Variants in AGBL1 observed in about 807,000 individuals in gnomAD.
AGBL1 encodes AGBL carboxypeptidase 1.
In AGBL1, 130 loss-of-function variants were observed where a neutral mutation model predicts 118.9. The ratio of observed to expected loss-of-function variants is 1.09; its 90% CI spans 0.95 to 1.26. The LOEUF (loss-of-function observed/expected upper bound fraction) is 1.26. Ranked by LOEUF, AGBL1 falls within the 50% of genes most tolerant of loss-of-function variation. The pLI, the probability that AGBL1 is intolerant of heterozygous loss-of-function variation, is 0.00. For missense variants in AGBL1, 1,584 were observed against 1,298.1 expected (o/e 1.22, Z -3.38); for synonymous variants, 555 against 478.9 (o/e 1.16, Z -2.08).
intron 17 of AGBL1, among the ~76,000 whole-genome samples, chr15:86,351,345 A>G (rs555286806): frequency 1.8e-4 from 28 of 152,214 alleles, no homozygotes; most frequent in African/African-American, 6.5e-4. Context: ...TACCTCTTGA[A>G]TGTCCCCCCT....
rs544360312 is a variant in AGBL1, at chr15:86,586,036, G to A, written c.2994+31499G>A. Reference sequence around the variant, plus strand: ...TAGACACACAGGCATGCTGCCTGTCGGCATGCCTCTGCACCGAATAGAACC... The same window carrying A: ...TAGACACACAGGCATGCTGCCTGTCAGCATGCCTCTGCACCGAATAGAACC... On this transcript the variant is annotated intron_variant, in intron 21 of 22. Transcript: ENST00000614907. 2.4e-3 allele frequency among the ~76,000 whole-genome samples: 365 copies of A among 152,288 alleles called. 4 individuals are homozygous for A. The highest frequency in any genetic ancestry group is 7.8e-3 in the African/African-American group (324 of 41,568).
intron 18 of AGBL1, among the ~76,000 whole-genome samples, chr15:86,428,900 G>A (rs1028870811): frequency 6.6e-6 from 1 of 152,172 alleles, no homozygotes; most frequent in African/African-American, 2.4e-5. Context: ...AAAAATAATG[G>A]AAAGGTTTAT....
chr15:86,934,486 T>G (rs1213304999), intron 23 of AGBL1, among the ~76,000 whole-genome samples: 4 of 152,090 alleles, frequency 2.6e-5, no homozygotes, highest in African/African-American at 9.7e-5. Context: ...GCTTACAGAC[T>G]TCCTCCTTGC....
At chr15:86,702,012 C>A (rs553718789) in intron 22 of AGBL1, among the ~76,000 whole-genome samples, 144 of 150,400 alleles carry the variant, frequency 9.6e-4, no homozygotes, top group African/African-American at 3.3e-3. Context: ...CTGATCTACC[C>A]CAACCCTTCT....
intron 22 of AGBL1, among the ~76,000 whole-genome samples, chr15:86,894,997 C>A (rs2080102124): frequency 1.3e-5 from 2 of 150,590 alleles, no homozygotes; most frequent in Admixed American, 1.4e-4. Context: ...GACCACTTGC[C>A]AGGGACATCT....
At chr15:86,917,606 TGTC>T (rs1300538644), downstream of AGBL1, among the ~76,000 whole-genome samples, 1 of 152,116 alleles carries the variant, frequency 6.6e-6, no homozygotes. This position sits in a 1 kb window ranked among gnomAD's most constrained non-coding sequence, Gnocchi z 4.8. Context: ...TTCCAGGCCT[TGTC>T]ATTGCGAAGC....
chr15:86,421,832 C>G (rs889534132), intron 18 of AGBL1, among the ~76,000 whole-genome samples: 2 of 152,044 alleles, frequency 1.3e-5, no homozygotes, highest in African/African-American at 4.8e-5. Flanking sequence ...TTTAAACCAA[C>G]AAAGATTTAA....
At chr15:86,080,957 C>G (rs551284213) in intron 1 of AGBL1, among the ~76,000 whole-genome samples, 59 of 152,262 alleles carry the variant, frequency 3.9e-4, no homozygotes, top group African/African-American at 1.4e-3. Flanking sequence ...GTCCATGACC[C>G]CATTCCCCTG....
At chr15:86,180,379 C>A (rs2077536006) in intron 5 of AGBL1, among the ~76,000 whole-genome samples, 1 of 152,024 alleles carries the variant, frequency 6.6e-6, no homozygotes, top group Non-Finnish European at 1.5e-5. Flanking sequence ...CAAAAATAAA[C>A]CCATGCATGA....
intron 24 of AGBL1, among the ~76,000 whole-genome samples, chr15:86,999,426 G>A (rs1252502870): frequency 6.8e-6 from 1 of 146,048 alleles, no homozygotes; most frequent in Non-Finnish European, 1.5e-5. Flanking sequence ...CTGTGTCCAT[G>A]TGATCTCACT....
At chr15:86,146,117 T>A (rs2077030623) in intron 3 of AGBL1, among the ~76,000 whole-genome samples, 1 of 152,212 alleles carries the variant, frequency 6.6e-6, no homozygotes, top group African/African-American at 2.4e-5. Flanking sequence ...GCAAAGTACT[T>A]AAACTTTCTG....
At chr15:86,385,315 G>T (rs1048089419) in intron 17 of AGBL1, among the ~76,000 whole-genome samples, 2 of 152,054 alleles carry the variant, frequency 1.3e-5, no homozygotes, top group Non-Finnish European at 2.9e-5. Flanking sequence ...AATTACTCGT[G>T]CGCCTTGTAT....
chr15:86,208,803 TTG>T (rs1387829103), intron 5 of AGBL1, among the ~76,000 whole-genome samples: 2 of 152,222 alleles, frequency 1.3e-5, no homozygotes, highest in Non-Finnish European at 2.9e-5. Flanking sequence ...GAAGGGTTTT[TTG>T]TGTCTCTATC....
At chr15:86,332,984 T>C (rs2080299103) in intron 17 of AGBL1, among the ~76,000 whole-genome samples, 2 of 152,164 alleles carry the variant, frequency 1.3e-5, no homozygotes, top group South Asian at 4.1e-4. Flanking sequence ...AAGATGTTCT[T>C]TGAAATAAAT....
In AGBL1 at chr15:86,346,220, A is replaced by C. The variant is rs142873878; in HGVS notation, c.2374+50812A>C. ...CTGATCTTGAACTCCTGACCTTGTG[A>C]TCTGCCCATCTCGGCCTCCCAAAGT... is the stretch of plus-strand genomic sequence containing the variant. On this transcript the variant is annotated intron_variant, in intron 17 of 22. Transcript: ENST00000614907. Among the ~76,000 whole-genome samples the C allele has an allele frequency of 1.5e-3, 231 of 152,190 alleles. 1 individual carries two copies. Among genetic ancestry groups the C allele is most frequent in the African/African-American group, 5.4e-3 (225 of 41,526 alleles).
intron 18 of AGBL1, among the ~76,000 whole-genome samples, chr15:86,492,868 C>T (rs1338288667): frequency 6.6e-6 from 1 of 152,022 alleles, no homozygotes; most frequent in Non-Finnish European, 1.5e-5. Flanking sequence ...TGAAGAGAGA[C>T]AACATGGTGA....
chr15:86,404,101 G>A (rs183258428), intron 18 of AGBL1, among the ~76,000 whole-genome samples: 2 of 152,250 alleles, frequency 1.3e-5, no homozygotes, highest in Non-Finnish European at 2.9e-5. Flanking sequence ...GATATAAATA[G>A]AGTCTTAGCC....
intron 22 of AGBL1, among the ~76,000 whole-genome samples, chr15:86,853,616 T>C (rs966152565): frequency 1.3e-5 from 2 of 152,204 alleles, no homozygotes; most frequent in Non-Finnish European, 2.9e-5. Context: ...TGCCTTTATT[T>C]TTCAGAGCTG....
intron 18 of AGBL1, among the ~76,000 whole-genome samples, chr15:86,478,777 C>T (rs1449185004): frequency 1.3e-5 from 2 of 152,186 alleles, no homozygotes; most frequent in African/African-American, 4.8e-5. Context: ...ATTGCCAAGA[C>T]AATCCTAAGC....
Sources: gnomAD v4.1 joint callset for allele counts (sites outside exome capture counted in the v4.1 genomes callset) on GRCh38, gnomAD v4.1.1 for gene constraint, Gnocchi (gnomAD v3.1) non-coding constraint, MANE v1.5 for transcripts, NCBI Gene and HGNC (gene_info 2026-07-23, HGNC 2026-07-21) for gene names.